ANKRD16: variants seen among roughly 807,000 people sequenced by gnomAD.
The protein encoded by ANKRD16 is ankyrin repeat domain-containing protein 16.
A neutral mutation model predicts 37.9 loss-of-function variants in ANKRD16; 35 were observed. The observed-to-expected ratio is 0.92, with a 90% confidence interval of 0.71 to 1.23. The LOEUF is 1.23. ANKRD16 is among the 50% of genes most tolerant of loss of function. The pLI is 0.00. For missense variants in ANKRD16, 480 were observed against 469.9 expected (o/e 1.02, Z -0.20); for synonymous variants, 206 against 197.2 (o/e 1.04, Z -0.37).
chr10:5,872,796 T>C (rs1315267198), intron 7 of ANKRD16, among the ~76,000 whole-genome samples: 1 of 151,974 alleles, frequency 6.6e-6, no homozygotes, highest in Non-Finnish European at 1.5e-5. Context: ...GACCTCGTGA[T>C]CTGCCCCCCT....
At position 5,870,459 on chromosome 10, in the gene ANKRD16, A is replaced by G; in HGVS notation, c.*33+7638T>C. Among the ~76,000 whole-genome samples, 1 of 151,058 alleles carries G rather than the reference A, an allele frequency of 6.6e-6. No homozygotes were observed. The highest frequency in any genetic ancestry group is 1.5e-5 in the Non-Finnish European group (1 of 67,860). On this transcript the variant is annotated intron_variant, in intron 7 of 7. Coordinates refer to ENST00000380094, the MANE Select transcript of ANKRD16 (RefSeq NM_019046.3). This position sits in a 1 kb window ranked among gnomAD's most constrained non-coding sequence, Gnocchi z 5.0. ...TGCTCTGTCACCCAGGCTGGAATACAAAAGTGCAATCATAGCTCACTGCAG... is the reference window on the plus strand; with the variant it reads ...TGCTCTGTCACCCAGGCTGGAATACGAAAGTGCAATCATAGCTCACTGCAG...
At chr10:5,879,145 G>A (rs1231416783) in intron 6 of ANKRD16, among the ~76,000 whole-genome samples, 1 of 152,090 alleles carries the variant, frequency 6.6e-6, no homozygotes, top group African/African-American at 2.4e-5. Context: ...CCTAGAGTGA[G>A]TAGTTAGGTA....
chr10:5,881,147 T>C, intron 5 of ANKRD16: 2 of 831,802 alleles, frequency 2.4e-6, no homozygotes, highest in Non-Finnish European at 2.9e-6. Flanking sequence ...AATTCTAATA[T>C]AAATCATTAA....
At position 5,863,137 on chromosome 10, in the gene ANKRD16, C is replaced by A. The variant is rs1463453894; in HGVS notation, c.*34-446G>T. Among the ~76,000 whole-genome samples the A allele has an allele frequency of 1.3e-5, 2 of 152,076 alleles. No individual in the cohort carries two copies. Among genetic ancestry groups the A allele is most frequent in the Non-Finnish European group, 2.9e-5 (2 of 68,020 alleles). The stretch of plus-strand genomic sequence containing the variant: ...ACACGAGGCCTCCCCAACGCAGTGT[C>A]CACACCAGCATTACTGTGGAACTTG... On this transcript the variant is annotated intron_variant, in intron 7 of 7. Coordinates refer to ENST00000380094, the MANE Select transcript of ANKRD16 (RefSeq NM_019046.3). The surrounding 1 kb of genome is among the most constrained non-coding windows in gnomAD (Gnocchi z 4.7).
rs1456259133 is a variant in ANKRD16 at position 5,862,694 on chromosome 10, G to C, written c.*34-3C>G. 3 of 1,288,760 alleles carry C rather than the reference G, an allele frequency of 2.3e-6. No homozygotes were observed. In the African/African-American group the frequency reaches 4.6e-5, roughly 20 times the overall value. 79.8% of individuals were successfully genotyped at this position (1,288,760 alleles called of 1,614,324 possible). A position where few individuals can be genotyped will look rare whatever the true frequency, so the allele number is the denominator to read the frequency against. ...AGGTGCTCAGGCTCCCAGCAACTCT[G>C]TGAAGAAAGAGTTATTATCATCTCA... On this transcript the variant is annotated splice_polypyrimidine_tract_variant and splice_region_variant and intron_variant, in intron 7 of 7. Coordinates refer to ENST00000380094, the MANE Select transcript of ANKRD16 (RefSeq NM_019046.3). The surrounding 1 kb of genome is among the most constrained non-coding windows in gnomAD (Gnocchi z 6.5).
chr10:5,884,969 C>T (rs1359659835), intron 3 of ANKRD16, among the ~76,000 whole-genome samples: 2 of 152,276 alleles, frequency 1.3e-5, no homozygotes, highest in South Asian at 2.1e-4. Context: ...AGCTTAAACA[C>T]TGGCGCTGAG....
chr10:5,883,495 A>G (rs1051018861), intron 4 of ANKRD16, among the ~76,000 whole-genome samples: 2 of 152,096 alleles, frequency 1.3e-5, no homozygotes, highest in African/African-American at 4.8e-5. Flanking sequence ...GGGTTTTAAC[A>G]TGTTGGCTAG....
rs1214818343 is a variant in ANKRD16, at chr10:5,863,229, G to T, written c.*34-538C>A. Among the ~76,000 whole-genome samples the T allele has an allele frequency of 6.6e-6, 1 of 152,048 alleles. No individual in the cohort carries two copies. The highest frequency in any genetic ancestry group is 1.5e-5 in the Non-Finnish European group (1 of 68,016). On this transcript the variant is annotated intron_variant, in intron 7 of 7. Coordinates refer to ENST00000380094, the MANE Select transcript of ANKRD16 (RefSeq NM_019046.3). This position sits in a 1 kb window ranked among gnomAD's most constrained non-coding sequence, Gnocchi z 4.7. The stretch of plus-strand genomic sequence containing the variant: ...TCTCAATTCAGATCAAGTTTCCCCT[G>T]TGCCAGAAGAATCAGTCCTCCAGAT...
chr10:5,885,813 C>T (rs1293085520), intron 2 of ANKRD16, 48 bp from the exon 3 acceptor site: 1 of 1,561,326 alleles, frequency 6.4e-7, no homozygotes. Flanking sequence ...AGTGCACACA[C>T]AAAATGCTTC....
At chr10:5,888,802 C>T (rs1220126932) in intron 1 of ANKRD16, among the ~76,000 whole-genome samples, 1 of 152,194 alleles carries the variant, frequency 6.6e-6, no homozygotes, top group Non-Finnish European at 1.5e-5. Flanking sequence ...ATTCCGTGCT[C>T]TAGAAAGGGA....
At chr10:5,867,463 G>A (rs1429189415) in intron 7 of ANKRD16, among the ~76,000 whole-genome samples, 4 of 152,222 alleles carry the variant, frequency 2.6e-5, no homozygotes, top group Non-Finnish European at 4.4e-5. Context: ...AGTACTTACA[G>A]AATCAGGAAG....
intron 3 of ANKRD16, 37 bp from the exon 4 acceptor site, chr10:5,884,114 CAAT>C (rs1842371979): frequency 1.9e-6 from 3 of 1,550,002 alleles, no homozygotes; most frequent in South Asian, 2.3e-5. Flanking sequence ...TGAGAAAATT[CAAT>C]ACCTCAAACC....
intron 7 of ANKRD16, among the ~76,000 whole-genome samples, chr10:5,873,281 C>T (rs1010829823): frequency 6.6e-6 from 1 of 151,794 alleles, no homozygotes; most frequent in Non-Finnish European, 1.5e-5. Context: ...CCGCCCGCCT[C>T]GGCCTCCCAA....
Position 5,865,106 on chromosome 10 carries a change from G to C in ANKRD16, c.*34-2415C>G, listed in dbSNP as rs923512562. ...AAAAGGAAACGTTAGATCAGAGAAA[G>C]GCTGCAGCCTTAGTCATGGCCCTCA... On this transcript the variant is annotated intron_variant, in intron 7 of 7. Transcript: ENST00000380094. This position sits in a 1 kb window ranked among gnomAD's most constrained non-coding sequence, Gnocchi z 4.7. Among the ~76,000 whole-genome samples, 2 of 152,144 alleles carry C rather than the reference G, an allele frequency of 1.3e-5. No individual in the cohort carries two copies. Among genetic ancestry groups the C allele is most frequent in the African/African-American group, 4.8e-5 (2 of 41,432 alleles).
At chr10:5,885,275 G>T (rs1414123786) in intron 3 of ANKRD16, among the ~76,000 whole-genome samples, 2 of 152,026 alleles carry the variant, frequency 1.3e-5, no homozygotes, top group Non-Finnish European at 2.9e-5. Context: ...CCGCCTCTTG[G>T]GTTCACGCCA....
At position 5,884,064 on chromosome 10, in the gene ANKRD16, G is replaced by C. The variant is rs1179626719; in HGVS notation, c.592C>G (p.Pro198Ala). Residue 198 changes from proline to alanine, a missense_variant, in exon 4 of 8, where the codon CCA (proline) becomes GCA (alanine). Physicochemically the swap from Pro to Ala is conservative, Grantham distance 27 (BLOSUM62 -1). Coordinates refer to ENST00000380094, the MANE Select transcript of ANKRD16 (RefSeq NM_019046.3). ...KVLLKRCQYEPDYRDNCGVTA... is the reference protein window; with the variant it reads ...KVLLKRCQYEADYRDNCGVTA... ...ACGCCACAGTTGTCTCTGTAGTCTG[G>C]TTCATATTGGCACCTAGAGCCAAAA... 1 of 1,613,944 alleles carries C rather than the reference G, an allele frequency of 6.2e-7. No individual in the cohort carries two copies. Among genetic ancestry groups the C allele is most frequent in the Non-Finnish European group, 8.5e-7 (1 of 1,179,990 alleles).
chr10:5,887,695 ACCCCCTCC>A, intron 2 of ANKRD16, 144 bp downstream of exon 2: 1 of 88,216 alleles, frequency 1.1e-5, no homozygotes, highest in African/African-American at 8.9e-5. Context: ...CCCCGCCCCC[ACCCCCTCC>A]CCCCCAGATG....
In ANKRD16 at chr10:5,866,447, A is replaced by C. The variant is rs771029293; in HGVS notation, c.*34-3756T>G. 2.4e-4 allele frequency among the ~76,000 whole-genome samples: 37 copies of C among 152,362 alleles called. No homozygotes were observed. Among genetic ancestry groups the C allele is most frequent in the Non-Finnish European group, 5.1e-4 (35 of 68,040 alleles). On this transcript the variant is annotated intron_variant, in intron 7 of 7. Transcript: ENST00000380094. The surrounding 1 kb of genome is among the most constrained non-coding windows in gnomAD (Gnocchi z 4.3). ...AAAGTAAGTCTCTTCCCCAGGGACC[A>C]GTGCCCAGTTAGCAGAACTAGTGGC...
At chr10:5,881,666 C>T (rs2131773903) in intron 5 of ANKRD16, among the ~76,000 whole-genome samples, 1 of 140,162 alleles carries the variant, frequency 7.1e-6, no homozygotes, top group African/African-American at 2.6e-5. Flanking sequence ...CAGGGTTTCA[C>T]CATGTTGGCC....
Sources: gnomAD v4.1 joint callset for allele counts (sites outside exome capture counted in the v4.1 genomes callset) on GRCh38, gnomAD v4.1.1 for gene constraint, Gnocchi (gnomAD v3.1) non-coding constraint, MANE v1.5 for transcripts, NCBI Gene and HGNC (gene_info 2026-07-23, HGNC 2026-07-21) for gene names.